Variants in ITPKC observed in about 807,000 individuals in gnomAD.
The protein encoded by ITPKC is inositol-trisphosphate 3-kinase C.
Under a neutral mutation model 67.1 loss-of-function variants are expected in ITPKC, and 33 were observed. That is an observed-to-expected ratio of 0.49 (90% CI 0.37 to 0.66). ITPKC has a LOEUF of 0.66. Ranked by LOEUF, ITPKC falls within the 30% of genes least tolerant of loss-of-function variation. The pLI is 0.00. For missense variants in ITPKC, 820 were observed against 892.1 expected, an observed-to-expected ratio of 0.92 and a Z score of 1.03; for synonymous variants, 341 against 359.8, an observed-to-expected ratio of 0.95 and a Z score of 0.59.
At chr19:40,718,358 G>T in intron 1 of ITPKC, 68 bp downstream of exon 1, 1 of 1,475,004 alleles carries the variant, frequency 6.8e-7, no homozygotes, top group Non-Finnish European at 8.9e-7. Context: ...CCTTTGCTTA[G>T]GAAGTTCTCT....
intron 3 of ITPKC, among the ~76,000 whole-genome samples, chr19:40,732,260 G>T (rs909146674): frequency 1.4e-5 from 2 of 147,988 alleles, no homozygotes; most frequent in South Asian, 2.1e-4. Flanking sequence ...AAAAAAAAAG[G>T]CTGGGCGTAG....
Position 40,739,669 on chromosome 19 carries a change from C to A in ITPKC, c.*109C>A. On this transcript the variant is annotated 3_prime_UTR_variant, in exon 7 of 7. Coordinates refer to ENST00000263370, the MANE Select transcript of ITPKC (RefSeq NM_025194.3). ...CCACGGGGGAGCTGGCCTCCAGGGA[C>A]GGGAGAGATTGTGTCATGTGCCACA... 2 of 948,918 alleles carry A rather than the reference C, an allele frequency of 2.1e-6. No individual in the cohort carries two copies. The highest frequency in any genetic ancestry group is 1.6e-6 in the Non-Finnish European group (1 of 636,644). The allele number at this position is 948,918 out of a possible 1,614,324, so 58.8% of individuals were successfully genotyped here. A position where few individuals can be genotyped will look rare whatever the true frequency, so the allele number is the denominator to read the frequency against.
In ITPKC at chr19:40,717,541, C is replaced by G. The variant is rs780283421; in HGVS notation, c.406C>G (p.Leu136Val). The part of the protein sequence containing the change: ...WSWSELETTC[L>V]WTETGTDGLW... The stretch of plus-strand genomic sequence containing the variant: ...CTGGTCAGAGCTGGAGACGACTTGT[C>G]TTTGGACGGAGACCGGGACAGATGG... The change falls in exon 1 of 7, where the codon CTT becomes GTT. Residue 136 changes from leucine (L) to valine (V), a missense_variant. By Grantham distance (32) the Leu-to-Val change is conservative. Around this residue, in one of 2 missense-constraint regions of ITPKC, gnomAD observed 481 missense variants for 470.1 expected, o/e 1.02. Transcript: ENST00000263370. 1.2e-6 allele frequency: 2 copies of G among 1,614,144 alleles called. No homozygotes were observed. The highest frequency in any genetic ancestry group is 2.2e-5 in the South Asian group (2 of 91,082).
At position 40,717,343 on chromosome 19, in the gene ITPKC, G is replaced by C; in HGVS notation, c.208G>C (p.Glu70Gln). Residue 70 changes from glutamate (E) to glutamine (Q), a missense_variant, in exon 1 of 7, where the codon GAG (glutamate) becomes CAG (glutamine). Transcript: ENST00000263370. ...GACAGAGGGGTCCAGCCTCCACAGCGAGCCTGAGAGGGCCGGCCTCGGGCC... is the reference window on the plus strand; with the variant it reads ...GACAGAGGGGTCCAGCCTCCACAGCCAGCCTGAGAGGGCCGGCCTCGGGCC... ...ARTEGSSLHS[E>Q]PERAGLGPAP... is the part of the protein sequence containing the mutation. 1 of 1,608,612 alleles carries C rather than the reference G, an allele frequency of 6.2e-7. No individual in the cohort carries two copies. Among genetic ancestry groups the C allele is most frequent in the East Asian group, 2.2e-5 (1 of 44,762 alleles).
Position 40,733,277 on chromosome 19 carries a change from G to C in ITPKC, c.1587G>C (p.Gln529His), listed in dbSNP as rs1245936382. The C allele has an allele frequency of 1.2e-6, 2 of 1,614,038 alleles. No individual in the cohort carries two copies. Among genetic ancestry groups the C allele is most frequent in the Non-Finnish European group, 1.7e-6 (2 of 1,180,008 alleles). ...CCCCTACCCCTGAGGAGCATGCCCA[G>C]GGTGCAGTCACCAAGCCCCGCTACA... is the stretch of plus-strand genomic sequence containing the variant. ...PGAPTPEEHA[Q>H]GAVTKPRYMQ... Residue 529 changes from glutamine (Q) to histidine (H), a missense_variant, in exon 4 of 7, where the codon CAG becomes CAC. Coordinates refer to ENST00000263370, the MANE Select transcript of ITPKC (RefSeq NM_025194.3).
intron 4 of ITPKC, among the ~76,000 whole-genome samples, chr19:40,733,640 G>A (rs892504364): frequency 2.0e-5 from 3 of 152,172 alleles, no homozygotes; most frequent in African/African-American, 4.8e-5. Context: ...CTGTCTCCCT[G>A]GGCATCCTGG....
intron 1 of ITPKC, among the ~76,000 whole-genome samples, chr19:40,722,002 A>AG (rs1354522872): frequency 6.7e-6 from 1 of 149,384 alleles, no homozygotes; most frequent in East Asian, 1.9e-4. Flanking sequence ...TCCTGTCTCA[A>AG]AAAAAAAAAA....
At chr19:40,737,790 G>A (rs772819126) in intron 6 of ITPKC, 21 bp downstream of exon 6, 1 of 1,603,092 alleles carries the variant, frequency 6.2e-7, no homozygotes, top group South Asian at 1.1e-5. Context: ...TGGCTTCCAT[G>A]GGTGGATGTA....
chr19:40,729,261 C>T lies in ITPKC; in HGVS notation c.1315C>T (p.Arg439Cys), dbSNP rs1333975906. 4.3e-6 allele frequency: 7 copies of T among 1,614,016 alleles called. No individual in the cohort carries two copies. Among genetic ancestry groups the T allele is most frequent in the African/African-American group, 2.7e-5 (2 of 74,918 alleles). The change falls in exon 3 of 7, where the codon CGC becomes TGC. Residue 439 changes from arginine to cysteine, a missense_variant. Arg to Cys is a radical substitution (Grantham distance 180). Transcript: ENST00000263370. ...GAAACGTTTCTGTCAGTGTGAGCAG[C>T]GCAGCCTGGAGCAGCTGATGAAAGA... ...ILKRFCQCEQ[R>C]SLEQLMKDPL...
intron 1 of ITPKC, among the ~76,000 whole-genome samples, chr19:40,720,446 G>T (rs1205375507): frequency 6.6e-6 from 1 of 151,980 alleles, no homozygotes; most frequent in Admixed American, 6.6e-5. Flanking sequence ...GGTTGGCCAC[G>T]TCAAGTCAGA....
rs572786024 is a variant in ITPKC, at chr19:40,718,097, G to A, written c.962G>A (p.Cys321Tyr). Residue 321 changes from cysteine (C) to tyrosine (Y), a missense_variant, in exon 1 of 7, where the codon TGT (cysteine) becomes TAT (tyrosine). Physicochemically the swap from Cys to Tyr is radical, Grantham distance 194. Around this residue, in one of 2 missense-constraint regions of ITPKC, gnomAD observed 481 missense variants for 470.1 expected, o/e 1.02. Transcript: ENST00000263370. ...LLTHLYSHLK[C>Y]SPLCPVPRLI... ...ACTCACCTGTACTCTCACCTGAAGT[G>A]TAGCCCCCTGTGCCCTGTGCCCCGC... The A allele has an allele frequency of 6.2e-7, 1 of 1,613,568 alleles. No homozygotes were observed. The highest frequency in any genetic ancestry group is 8.5e-7 in the Non-Finnish European group (1 of 1,180,006).
intron 1 of ITPKC, among the ~76,000 whole-genome samples, chr19:40,721,537 AT>A (rs1226901387): frequency 3.8e-4 from 56 of 145,918 alleles, no homozygotes; most frequent in Admixed American, 4.1e-4. Context: ...CGCCCGGCTA[AT>A]TTTTTTTTTT....
rs752202075 is a variant in ITPKC at position 40,717,488 on chromosome 19, C to G, written c.353C>G (p.Ser118Cys). The change falls in exon 1 of 7, where the codon TCC (serine) becomes TGC (cysteine). Residue 118 changes from serine to cysteine, a missense_variant. Physicochemically the swap from Ser to Cys is moderately radical, Grantham distance 112 (BLOSUM62 -1). This residue lies in a region of ITPKC where 481 missense variants were observed against 470.1 expected (regional missense o/e 1.02). Transcript: ENST00000263370. ...AAGCAAAAGACGGAGCCAGACAGGT[C>G]CAGCCTCCGGACGCATCTAGAATGG... is the stretch of plus-strand genomic sequence containing the variant. Reference protein sequence around the residue: ...RPKQKTEPDRSSLRTHLEWSW... With the variant: ...RPKQKTEPDRCSLRTHLEWSW... 3 of 1,614,130 alleles carry G rather than the reference C, an allele frequency of 1.9e-6. No homozygotes were observed. Among genetic ancestry groups the G allele is most frequent in the Non-Finnish European group, 2.5e-6 (3 of 1,180,016 alleles).
In ITPKC at chr19:40,733,268, G is replaced by A; in HGVS notation, c.1578G>A (p.Glu526=). The A allele has an allele frequency of 6.2e-7, 1 of 1,614,170 alleles. No individual in the cohort carries two copies. Among genetic ancestry groups the A allele is most frequent in the East Asian group, 2.2e-5 (1 of 44,884 alleles). ...ACCCTGGGGCCCCTACCCCTGAGGA[G>A]CATGCCCAGGGTGCAGTCACCAAGC... is the stretch of plus-strand genomic sequence containing the variant. The part of the protein sequence containing the change: ...AVDPGAPTPE[E]HAQGAVTKPR... The change falls in exon 4 of 7, where the codon GAG becomes GAA. Residue 526 remains glutamate, a synonymous_variant. Coordinates refer to ENST00000263370, the MANE Select transcript of ITPKC (RefSeq NM_025194.3).
intron 3 of ITPKC, 131 bp downstream of exon 3, chr19:40,729,546 A>C: frequency 3.9e-6 from 3 of 766,972 alleles, no homozygotes; most frequent in Non-Finnish European, 6.4e-6. Context: ...CTGGTGGATC[A>C]CCTGAGGTTG....
chr19:40,725,270 C>T (rs2082241256), intron 1 of ITPKC, 70 bp from the exon 2 acceptor site: 2 of 976,158 alleles, frequency 2.0e-6, no homozygotes, highest in African/African-American at 3.2e-5. Flanking sequence ...CGTTCCCTCT[C>T]ATGGCAGCAC....
chr19:40,717,483 C>G lies in ITPKC; in HGVS notation c.348C>G (p.Asp116Glu). The G allele has an allele frequency of 6.2e-7, 1 of 1,614,088 alleles. No individual in the cohort carries two copies. Among genetic ancestry groups the G allele is most frequent in the Non-Finnish European group, 8.5e-7 (1 of 1,180,000 alleles). The change falls in exon 1 of 7, where the codon GAC (aspartate) becomes GAG (glutamate). Residue 116 changes from aspartate (D) to glutamate (E), a missense_variant. Transcript: ENST00000263370. Reference protein sequence around the residue: ...TERPKQKTEPDRSSLRTHLEW... With the variant: ...TERPKQKTEPERSSLRTHLEW... Reference sequence around the variant, plus strand: ...GGCCCAAGCAAAAGACGGAGCCAGACAGGTCCAGCCTCCGGACGCATCTAG... The same window carrying G: ...GGCCCAAGCAAAAGACGGAGCCAGAGAGGTCCAGCCTCCGGACGCATCTAG...
At chr19:40,718,938 G>A (rs538889805) in intron 1 of ITPKC, among the ~76,000 whole-genome samples, 8 of 152,230 alleles carry the variant, frequency 5.3e-5, no homozygotes, top group African/African-American at 1.9e-4. Flanking sequence ...GAACACTCTT[G>A]TTTACTTTGT....
chr19:40,717,257 G>A lies in ITPKC; in HGVS notation c.122G>A (p.Arg41Gln). ...CGGCGGCGGCAGCCGGGACAGCAGC[G>A]ACCTGGGCCCGGCGCAGGGGCCCCG... ...GGRRRQPGQQ[R>Q]PGPGAGAPAG... Residue 41 changes from arginine (R) to glutamine (Q), a missense_variant, in exon 1 of 7, where the codon CGA becomes CAA. Physicochemically the swap from Arg to Gln is conservative, Grantham distance 43. Around this residue, in one of 2 missense-constraint regions of ITPKC, gnomAD observed 481 missense variants for 470.1 expected, o/e 1.02. Transcript: ENST00000263370. 7.3e-7 allele frequency: 1 copy of A among 1,361,330 alleles called. No individual in the cohort carries two copies. 84.3% of individuals were successfully genotyped at this position (1,361,330 alleles called of 1,614,324 possible). A position where few individuals can be genotyped will look rare whatever the true frequency, so the allele number is the denominator to read the frequency against.
Sources: gnomAD v4.1 joint callset for allele counts (sites outside exome capture counted in the v4.1 genomes callset) on GRCh38, gnomAD v4.1.1 for gene constraint, gnomAD v4.1.1 regional missense constraint, MANE v1.5 for transcripts, NCBI Gene and HGNC (gene_info 2026-07-23, HGNC 2026-07-21) for gene names.